The following SLC30A8 variants were observed in gnomAD, a reference collection of about 807,000 sequenced individuals.
SLC30A8 encodes the protein solute carrier family 30 member 8.
SLC30A8 carries 27 observed loss-of-function variants against 36.9 expected under a neutral mutation model. The ratio of observed to expected loss-of-function variants is 0.73; its 90% CI spans 0.54 to 1.01. SLC30A8 has a LOEUF of 1.01. SLC30A8 is among the 50% of genes least tolerant of loss of function. The pLI is 0.00. For synonymous variants in SLC30A8, 164 were observed against 172.4 expected (o/e 0.95, Z 0.38); for missense variants, 439 against 452.0 (o/e 0.97, Z 0.26).
chr8:116,996,688 C>A (rs79497786), intron 1 of SLC30A8, among the ~76,000 whole-genome samples: 34 of 152,280 alleles, frequency 2.2e-4, no homozygotes, highest in African/African-American at 7.9e-4. Flanking sequence ...CTTGTATAGG[C>A]AAACCCCGTG....
intron 1 of SLC30A8, among the ~76,000 whole-genome samples, chr8:116,981,607 C>A (rs1295639329): frequency 6.6e-6 from 1 of 152,158 alleles, no homozygotes; most frequent in Non-Finnish European, 1.5e-5. Flanking sequence ...CTGTTGTTCC[C>A]TACTTTGTAT....
intron 1 of SLC30A8, among the ~76,000 whole-genome samples, chr8:116,954,844 G>A (rs2130576587): frequency 6.6e-6 from 1 of 152,282 alleles, no homozygotes. Context: ...AGAGATCAAT[G>A]ATGTAAATAA....
At chr8:117,139,145 C>T (rs1257426026) in intron 1 of SLC30A8, among the ~76,000 whole-genome samples, 3 of 151,982 alleles carry the variant, frequency 2.0e-5, no homozygotes, top group Non-Finnish European at 4.4e-5. Flanking sequence ...AAAATTTGGC[C>T]TCAAATATTA....
intron 2 of SLC30A8, among the ~76,000 whole-genome samples, chr8:117,124,409 T>C (rs886258231): frequency 2.0e-5 from 3 of 151,932 alleles, no homozygotes; most frequent in African/African-American, 7.2e-5. Flanking sequence ...AGAGAGGCTC[T>C]GCTGATTCAT....
At chr8:117,025,134 A>G (rs1293172058) in intron 1 of SLC30A8, among the ~76,000 whole-genome samples, 1 of 152,196 alleles carries the variant, frequency 6.6e-6, no homozygotes, top group East Asian at 1.9e-4. Flanking sequence ...CACATTTGAA[A>G]TTCGGAGAGT....
intron 6 of SLC30A8, among the ~76,000 whole-genome samples, chr8:117,170,209 C>A (rs1365017577): frequency 6.6e-6 from 1 of 152,152 alleles, no homozygotes; most frequent in East Asian, 1.9e-4. Flanking sequence ...TACTAATGTG[C>A]ATCCAAGGTT....
intron 2 of SLC30A8, among the ~76,000 whole-genome samples, chr8:117,076,554 A>T (rs915011538): frequency 6.6e-6 from 1 of 152,206 alleles, no homozygotes; most frequent in Non-Finnish European, 1.5e-5. Context: ...AGAAAAAAAA[A>T]GTGGAGTGGG....
intron 2 of SLC30A8, among the ~76,000 whole-genome samples, chr8:117,127,560 T>C (rs1331282066): frequency 1.3e-5 from 2 of 152,056 alleles, no homozygotes; most frequent in Non-Finnish European, 2.9e-5. Flanking sequence ...CAGGAAAATA[T>C]TTGAATTTAT....
chr8:116,970,542 C>T (rs1814757523), intron 1 of SLC30A8, among the ~76,000 whole-genome samples: 2 of 152,104 alleles, frequency 1.3e-5, no homozygotes, highest in Admixed American at 6.5e-5. Context: ...TTGCCTACAC[C>T]AGCATCACCA....
intron 2 of SLC30A8, among the ~76,000 whole-genome samples, chr8:117,063,400 C>T (rs1313623674): frequency 6.6e-6 from 1 of 152,090 alleles, no homozygotes; most frequent in Non-Finnish European, 1.5e-5. Flanking sequence ...TCCTAAGTGC[C>T]TCTCTTATTC....
At chr8:116,955,597 GTGCA>G (rs1814165061) in intron 1 of SLC30A8, among the ~76,000 whole-genome samples, 1 of 151,984 alleles carries the variant, frequency 6.6e-6, no homozygotes, top group Non-Finnish European at 1.5e-5. Context: ...AGACGTGATG[GTGCA>G]TGCCTATAGT....
intron 2 of SLC30A8, among the ~76,000 whole-genome samples, chr8:117,067,906 C>T (rs1818217050): frequency 1.3e-5 from 2 of 152,082 alleles, no homozygotes; most frequent in African/African-American, 4.8e-5. Context: ...CAAAATTTCA[C>T]CAGATAATGG....
intron 2 of SLC30A8, among the ~76,000 whole-genome samples, chr8:117,104,850 A>G (rs1819907318): frequency 6.6e-6 from 1 of 152,164 alleles, no homozygotes; most frequent in Admixed American, 6.6e-5. Flanking sequence ...TTTCTGGGAA[A>G]GGGGTGGGCA....
chr8:117,170,669 G>A (rs577819172), intron 6 of SLC30A8, among the ~76,000 whole-genome samples: 46 of 152,198 alleles, frequency 3.0e-4, no homozygotes, highest in Non-Finnish European at 5.6e-4. Context: ...AATAGTTGTC[G>A]TCAGGATGCT....
upstream of SLC30A8, among the ~76,000 whole-genome samples, chr8:117,134,337 G>A (rs1484302165): frequency 6.6e-6 from 1 of 151,986 alleles, no homozygotes; most frequent in Non-Finnish European, 1.5e-5. Context: ...CTACCGTTGT[G>A]TACATCTTTA....
chr8:117,151,934 A>G (rs1822209805), intron 2 of SLC30A8, among the ~76,000 whole-genome samples: 1 of 152,262 alleles, frequency 6.6e-6, no homozygotes, highest in African/African-American at 2.4e-5. Flanking sequence ...GCTTCAGCCC[A>G]TTAAACCTTG....
intron 1 of SLC30A8, among the ~76,000 whole-genome samples, chr8:117,026,737 T>A (rs1163397864): frequency 6.6e-6 from 1 of 152,206 alleles, no homozygotes; most frequent in African/African-American, 2.4e-5. Flanking sequence ...AACACGTACA[T>A]GTATTGTGCA....
chr8:117,068,465 TCTG>T (rs1226384591), intron 2 of SLC30A8, among the ~76,000 whole-genome samples: 1 of 152,216 alleles, frequency 6.6e-6, no homozygotes, highest in African/African-American at 2.4e-5. Flanking sequence ...TGCCATCTCA[TCTG>T]CTCCACATGC....
exon 1 of SLC30A8, chr8:116,950,976 CCTGT>C (rs1208358679): frequency 2.6e-5 from 4 of 152,202 alleles, no homozygotes; most frequent in South Asian, 2.1e-4. Flanking sequence ...AGAAAGCCTG[CCTGT>C]CTAACTTTGG....
Sources: allele counts gnomAD v4.1 joint callset (sites outside exome capture counted in the v4.1 genomes callset), GRCh38; gene constraint gnomAD v4.1.1; transcripts MANE v1.5; gene names NCBI Gene and HGNC (gene_info 2026-07-23, HGNC 2026-07-21).